Variants in ADGRB1 observed in about 807,000 individuals in gnomAD.
ADGRB1 encodes the protein adhesion G protein-coupled receptor B1.
ADGRB1 carries 36 observed loss-of-function variants against 175.7 expected under a neutral mutation model. The ratio of observed to expected loss-of-function variants is 0.20; its 90% CI spans 0.16 to 0.27. The LOEUF (loss-of-function observed/expected upper bound fraction) is 0.27. ADGRB1 is among the 10% of genes least tolerant of loss of function. ADGRB1 has a pLI of 1.00. For synonymous variants in ADGRB1, 1,054 were observed against 979.4 expected (o/e 1.08, Z -1.42); for missense variants, 1,731 against 2,255.3 (o/e 0.77, Z 4.71).
chr8:142,473,429 G>C (rs1164135412), intron 2 of ADGRB1, among the ~76,000 whole-genome samples: 1 of 152,226 alleles, frequency 6.6e-6, no homozygotes, highest in Non-Finnish European at 1.5e-5. Flanking sequence ...TTAGTCTGGG[G>C]GATGGGGGCG....
At chr8:142,485,638 A>G (rs1587317737) in intron 13 of ADGRB1, among the ~76,000 whole-genome samples, 1 of 152,086 alleles carries the variant, frequency 6.6e-6, no homozygotes, top group Non-Finnish European at 1.5e-5. Flanking sequence ...CAGCACACAC[A>G]CCCTGGGGCC....
intron 9 of ADGRB1, 34 bp downstream of exon 9, chr8:142,479,828 TC>T (rs751731994): frequency 6.3e-7 from 1 of 1,583,208 alleles, no homozygotes; most frequent in South Asian, 1.1e-5. Context: ...GTATGGGGGC[TC>T]CCGTCCTGTC....
At chr8:142,490,917 C>T (rs370679274) in intron 17 of ADGRB1, 102 bp downstream of exon 17, 30 of 1,417,650 alleles carry the variant, frequency 2.1e-5, no homozygotes, top group East Asian at 1.5e-4. Flanking sequence ...TGTCCACTTG[C>T]CCCCCAGCTG....
At chr8:142,535,504 G>C (rs946189522) in intron 25 of ADGRB1, among the ~76,000 whole-genome samples, 1 of 152,194 alleles carries the variant, frequency 6.6e-6, no homozygotes, top group Admixed American at 6.5e-5. Flanking sequence ...GTAGCAAGGG[G>C]CCTTGCCTAC....
chr8:142,538,288 C>G (rs1280353920), intron 26 of ADGRB1, among the ~76,000 whole-genome samples: 1 of 152,222 alleles, frequency 6.6e-6, no homozygotes, highest in Non-Finnish European at 1.5e-5. Context: ...GGTTGTGAAG[C>G]TCACAGGCAG....
At position 142,455,910 on chromosome 8, in the gene ADGRB1, G is replaced by A. The variant is rs1839643438; in HGVS notation, c.-220+5806G>A. ...TAAGTTGGCATCTCTGTGACAGGAG[G>A]GTGGGTGGCCCTACCTGCCTGTCCC... On this transcript the variant is annotated intron_variant, in intron 1 of 30. Coordinates refer to ENST00000517894, the MANE Select transcript of ADGRB1 (RefSeq NM_001702.3). The surrounding 1 kb of genome is among the most constrained non-coding windows in gnomAD (Gnocchi z 4.9). 6.6e-6 allele frequency among the ~76,000 whole-genome samples: 1 copy of A among 152,104 alleles called. No homozygotes were observed. Among genetic ancestry groups the A allele is most frequent in the South Asian group, 2.1e-4 (1 of 4,824 alleles).
At chr8:142,503,334 A>C (rs1345655391) in intron 17 of ADGRB1, among the ~76,000 whole-genome samples, 1 of 152,030 alleles carries the variant, frequency 6.6e-6, no homozygotes, top group Admixed American at 6.5e-5. Flanking sequence ...GATCTGCTAG[A>C]GCCAGGGCAG....
At chr8:142,461,436 G>A (rs540964101) in intron 1 of ADGRB1, among the ~76,000 whole-genome samples, 6 of 152,362 alleles carry the variant, frequency 3.9e-5, no homozygotes, top group East Asian at 3.9e-4. Context: ...ACGGCGTTGC[G>A]GACACCAGCC....
In ADGRB1 at chr8:142,492,353, A is replaced by G. The variant is rs1842021355; in HGVS notation, c.2675+1538A>G. Among the ~76,000 whole-genome samples the G allele has an allele frequency of 6.6e-6, 1 of 151,836 alleles. No individual in the cohort carries two copies. Among genetic ancestry groups the G allele is most frequent in the Non-Finnish European group, 1.5e-5 (1 of 67,972 alleles). Reference sequence around the variant, plus strand: ...CTTTAGCCTCCTCTCCCCAGTGAGGAGGGATGGGGAACAGGGACAGACGGA... The same window carrying G: ...CTTTAGCCTCCTCTCCCCAGTGAGGGGGGATGGGGAACAGGGACAGACGGA... On this transcript the variant is annotated intron_variant, in intron 17 of 30. Coordinates refer to ENST00000517894, the MANE Select transcript of ADGRB1 (RefSeq NM_001702.3). The surrounding 1 kb of genome is among the most constrained non-coding windows in gnomAD (Gnocchi z 4.4).
Position 142,542,687 on chromosome 8 carries a change from G to T in ADGRB1, c.4413+40G>T, listed in dbSNP as rs1174829220. 6.7e-7 allele frequency: 1 copy of T among 1,501,590 alleles called. No individual in the cohort carries two copies. The allele number at this position is 1,501,590 out of a possible 1,614,324, so 93.0% of individuals were successfully genotyped here. A position where few individuals can be genotyped will look rare whatever the true frequency, so the allele number is the denominator to read the frequency against. Reference sequence around the variant, plus strand: ...GGTGGGCCACACCCCAGCCAGCGAGGGCAGGGCTGCAGCAGCTGGGTCACC... The same window carrying T: ...GGTGGGCCACACCCCAGCCAGCGAGTGCAGGGCTGCAGCAGCTGGGTCACC... On this transcript the variant is annotated intron_variant, in intron 28 of 30. Transcript: ENST00000517894. The surrounding 1 kb of genome is among the most constrained non-coding windows in gnomAD (Gnocchi z 6.3).
At chr8:142,470,962 G>A (rs946430355) in intron 2 of ADGRB1, among the ~76,000 whole-genome samples, 2 of 152,194 alleles carry the variant, frequency 1.3e-5, no homozygotes, top group Admixed American at 6.5e-5. Context: ...TGCAGGGGCA[G>A]AGGGAGCGGC....
rs757394680 is a variant in ADGRB1, at chr8:142,533,484, T to C, written c.3570+18T>C. On this transcript the variant is annotated intron_variant, in intron 25 of 30. Transcript: ENST00000517894. ...GTAGAGAGGTGGGTGAGGCAGCCTCTGTCGGGCCGGGCTCCTGCGGGGTCC... is the reference window on the plus strand; with the variant it reads ...GTAGAGAGGTGGGTGAGGCAGCCTCCGTCGGGCCGGGCTCCTGCGGGGTCC... 6.3e-7 allele frequency: 1 copy of C among 1,576,524 alleles called. No individual in the cohort carries two copies. Among genetic ancestry groups the C allele is most frequent in the South Asian group, 1.1e-5 (1 of 88,470 alleles).
chr8:142,461,542 G>A (rs1262486181), intron 1 of ADGRB1, among the ~76,000 whole-genome samples: 1 of 152,186 alleles, frequency 6.6e-6, no homozygotes, highest in South Asian at 2.1e-4. Context: ...CCTAGACTCC[G>A]TGCCCGGCCG....
At chr8:142,461,670 G>A (rs569596660) in intron 1 of ADGRB1, among the ~76,000 whole-genome samples, 9 of 152,350 alleles carry the variant, frequency 5.9e-5, no homozygotes, top group African/African-American at 2.2e-4. Context: ...CCAGGGCCTG[G>A]GATGAGGAGG....
At chr8:142,467,965 G>A (rs1840370528) in intron 2 of ADGRB1, among the ~76,000 whole-genome samples, 1 of 152,220 alleles carries the variant, frequency 6.6e-6, no homozygotes, top group Non-Finnish European at 1.5e-5. Context: ...ACTGGAGGCA[G>A]GGATATTCGA....
intron 1 of ADGRB1, among the ~76,000 whole-genome samples, chr8:142,461,462 G>A (rs1398789012): frequency 6.6e-6 from 1 of 152,232 alleles, no homozygotes; most frequent in Admixed American, 6.5e-5. Flanking sequence ...GTGGCCAGCT[G>A]GGCTTATGAG....
Position 142,464,083 on chromosome 8 carries a change from CCCGCCTCCCTG to C in ADGRB1, c.-113_-103del. On this transcript the variant is annotated 5_prime_UTR_variant, in exon 2 of 31. Coordinates refer to ENST00000517894, the MANE Select transcript of ADGRB1 (RefSeq NM_001702.3). Reference sequence around the variant, plus strand: ...GGGCCCTCTCCCATCCCACCCTTGCCCCGCCTCCCTGCCCCCACCGGGCCGGCCCTGCCCGC... The same window carrying C: ...GGGCCCTCTCCCATCCCACCCTTGCCCCCCCACCGGGCCGGCCCTGCCCGC... 3.6e-5 allele frequency: 26 copies of C among 731,098 alleles called. No individual in the cohort carries two copies. Among genetic ancestry groups the C allele is most frequent in the Middle Eastern group, 5.2e-4 (1 of 1,924 alleles). 45.3% of individuals were successfully genotyped at this position (731,098 alleles called of 1,614,324 possible).
At chr8:142,517,685 A>G (rs1366877587) in intron 18 of ADGRB1, among the ~76,000 whole-genome samples, 2 of 152,008 alleles carry the variant, frequency 1.3e-5, no homozygotes, top group African/African-American at 4.8e-5. Flanking sequence ...GCTGGATGGC[A>G]TCTTGGATGG....
chr8:142,505,907 G>T (rs1039218387), intron 17 of ADGRB1, among the ~76,000 whole-genome samples: 1 of 152,194 alleles, frequency 6.6e-6, no homozygotes, highest in Admixed American at 6.5e-5. Context: ...GCAGCTGCAG[G>T]GAGGTGGGGG....
Sources: gnomAD v4.1 joint callset for allele counts (sites outside exome capture counted in the v4.1 genomes callset) on GRCh38, gnomAD v4.1.1 for gene constraint, Gnocchi (gnomAD v3.1) non-coding constraint, MANE v1.5 for transcripts, NCBI Gene and HGNC (gene_info 2026-07-23, HGNC 2026-07-21) for gene names.